B3GLCT: variants seen among roughly 807,000 people sequenced by gnomAD.
B3GLCT encodes beta 3-glucosyltransferase.
Under a neutral mutation model 63.4 loss-of-function variants are expected in B3GLCT, and 65 were observed. That is an observed-to-expected ratio of 1.03 (90% CI 0.84 to 1.26). The LOEUF is 1.26. B3GLCT is among the 50% of genes most tolerant of loss of function. The pLI is 0.00. For synonymous variants in B3GLCT, 233 were observed against 219.2 expected (o/e 1.06, Z -0.55); for missense variants, 577 against 604.8 (o/e 0.95, Z 0.48).
intron 8 of B3GLCT, among the ~76,000 whole-genome samples, chr13:31,270,473 G>T (rs541602395): frequency 6.6e-6 from 1 of 152,296 alleles, no homozygotes; most frequent in African/African-American, 2.4e-5. Context: ...TTAATGAAAA[G>T]TCAGCTCTAG....
chr13:31,220,706 C>G (rs561721260), intron 2 of B3GLCT, among the ~76,000 whole-genome samples: 1 of 152,226 alleles, frequency 6.6e-6, no homozygotes, highest in South Asian at 2.1e-4. Flanking sequence ...CAAATTGAAC[C>G]CCTTGAAATG....
At chr13:31,300,433 A>G (rs1262649778) in intron 12 of B3GLCT, among the ~76,000 whole-genome samples, 1 of 152,232 alleles carries the variant, frequency 6.6e-6, no homozygotes, top group African/African-American at 2.4e-5. Context: ...ATATTGCAGT[A>G]AAGAGTTTAA....
chr13:31,308,363 A>AAAAAAAAAAAAAAC (rs1449376190), intron 12 of B3GLCT, among the ~76,000 whole-genome samples: 1 of 4,314 alleles, frequency 2.3e-4, no homozygotes, highest in African/African-American at 2.5e-4. Context: ...AAAAAAAACA[A>AAAAAAAAAAAAAAC]AAAAAAAAGC....
intron 2 of B3GLCT, 41 bp from the exon 3 acceptor site, chr13:31,222,910 AT>A: frequency 7.6e-7 from 1 of 1,315,384 alleles, no homozygotes; most frequent in Non-Finnish European, 1.1e-6. Context: ...TGGCTTTGTT[AT>A]GTACTGAGAT....
chr13:31,242,047 CTA>C (rs1870975781), intron 4 of B3GLCT, among the ~76,000 whole-genome samples: 1 of 152,262 alleles, frequency 6.6e-6, no homozygotes, highest in South Asian at 2.1e-4. Context: ...TCATTTAACT[CTA>C]TGAATTAGTT....
chr13:31,298,557 T>C (rs1314734412), intron 12 of B3GLCT, among the ~76,000 whole-genome samples: 1 of 152,256 alleles, frequency 6.6e-6, no homozygotes, highest in Non-Finnish European at 1.5e-5. Context: ...AAGGTGTTAA[T>C]GTAATGTTGG....
At chr13:31,216,856 G>A (rs1370551902) in intron 2 of B3GLCT, among the ~76,000 whole-genome samples, 1 of 152,178 alleles carries the variant, frequency 6.6e-6, no homozygotes, top group African/African-American at 2.4e-5. Context: ...TACTGCTGAT[G>A]GGCATCTAGG....
chr13:31,318,542 G>A (rs1875174111), intron 13 of B3GLCT, among the ~76,000 whole-genome samples: 1 of 152,134 alleles, frequency 6.6e-6, no homozygotes, highest in African/African-American at 2.4e-5. Flanking sequence ...CTTTTGTAGT[G>A]ATAACCAAAC....
intron 1 of B3GLCT, among the ~76,000 whole-genome samples, chr13:31,206,091 G>A (rs537280390): frequency 6.6e-6 from 1 of 152,316 alleles, no homozygotes; most frequent in African/African-American, 2.4e-5. Flanking sequence ...TGGGGGATAT[G>A]GAGGAGCTTG....
chr13:31,229,245 C>CA lies in B3GLCT; in HGVS notation c.222dup (p.Glu75ArgfsTer29). The CA allele has an allele frequency of 1.2e-6, 2 of 1,613,402 alleles. No homozygotes were observed. The highest frequency in any genetic ancestry group is 1.7e-6 in the Non-Finnish European group (2 of 1,179,432). On this transcript the variant is annotated frameshift_variant, in exon 4 of 15. Coordinates refer to ENST00000343307, the MANE Select transcript of B3GLCT (RefSeq NM_194318.4). LOFTEE classifies it high-confidence loss of function. ...AGTAATTCTTTTCATGCAAAGAGAG[C>CA]AGAGCAGTTAAAAAAAAGCATCTTA...
chr13:31,253,124 A>G (rs1348857060), intron 6 of B3GLCT, among the ~76,000 whole-genome samples: 1 of 152,196 alleles, frequency 6.6e-6, no homozygotes, highest in East Asian at 1.9e-4. Context: ...TGGGTAAATA[A>G]CGAAACGAAA....
Position 31,222,775 on chromosome 13 carries a change from G to T in B3GLCT, c.121-177G>T, listed in dbSNP as rs868014946. ...TGTCATGATACAGAAGTACATCATT[G>T]CTCCGTGGTCCCTTAGGTTTCGGTC... On this transcript the variant is annotated intron_variant, in intron 2 of 14. Coordinates refer to ENST00000343307, the MANE Select transcript of B3GLCT (RefSeq NM_194318.4). Among the ~76,000 whole-genome samples, 4 of 152,330 alleles carry T rather than the reference G, an allele frequency of 2.6e-5. No individual in the cohort carries two copies. The South Asian group carries it at 6.2e-4, about 24-fold the overall frequency.
At chr13:31,282,835 C>T (rs1350014383) in intron 10 of B3GLCT, among the ~76,000 whole-genome samples, 1 of 152,100 alleles carries the variant, frequency 6.6e-6, no homozygotes, top group East Asian at 1.9e-4. Flanking sequence ...CTTTAACAAG[C>T]TTCCACAAAT....
chr13:31,221,804 GGATATTTGCCACCA>G (rs1299733081), intron 2 of B3GLCT, among the ~76,000 whole-genome samples: 1 of 152,160 alleles, frequency 6.6e-6, no homozygotes, highest in Non-Finnish European at 1.5e-5. Context: ...GAAAATTGAA[GGATATTTGCCACCA>G]TCCCGTTGTC....
At chr13:31,306,558 C>T (rs1419229953) in intron 12 of B3GLCT, among the ~76,000 whole-genome samples, 1 of 111,414 alleles carries the variant, frequency 9.0e-6, no homozygotes, top group Non-Finnish European at 1.8e-5. Context: ...AGAGCCAAAT[C>T]ATGAGTGAAC....
intron 12 of B3GLCT, among the ~76,000 whole-genome samples, chr13:31,289,530 G>A (rs993666353): frequency 1.3e-5 from 2 of 152,052 alleles, no homozygotes; most frequent in Admixed American, 6.6e-5. Context: ...AAAGCATCAA[G>A]TCATGTATAA....
At chr13:31,242,720 A>G (rs1871016581) in intron 4 of B3GLCT, among the ~76,000 whole-genome samples, 1 of 152,264 alleles carries the variant, frequency 6.6e-6, no homozygotes, top group African/African-American at 2.4e-5. Flanking sequence ...AAATAGATTT[A>G]TATGAGCTAT....
At chr13:31,250,740 T>C (rs1871387250) in intron 6 of B3GLCT, among the ~76,000 whole-genome samples, 1 of 152,170 alleles carries the variant, frequency 6.6e-6, no homozygotes, top group African/African-American at 2.4e-5. Flanking sequence ...AACCTCCACC[T>C]CCCTGGGACA....
intron 4 of B3GLCT, among the ~76,000 whole-genome samples, chr13:31,233,672 A>G (rs1870491567): frequency 2.6e-5 from 4 of 152,082 alleles, no homozygotes; most frequent in Admixed American, 1.3e-4. Context: ...TGTCCAGGAT[A>G]TATCATGTGG....
Sources: allele counts gnomAD v4.1 joint callset (sites outside exome capture counted in the v4.1 genomes callset), GRCh38; gene constraint gnomAD v4.1.1; transcripts MANE v1.5; gene names NCBI Gene and HGNC (gene_info 2026-07-23, HGNC 2026-07-21).